SPAG16: variants seen among roughly 807,000 people sequenced by gnomAD.
SPAG16 encodes sperm associated antigen 16.
In SPAG16, 86 loss-of-function variants were observed where a neutral mutation model predicts 80.4. That is an observed-to-expected ratio of 1.07 (90% confidence interval 0.90 to 1.28). SPAG16 has a LOEUF of 1.28. SPAG16 is among the 50% of genes most tolerant of loss of function. The probability of loss-of-function intolerance (pLI) is 0.00; values close to 1 mark genes in which losing one functional copy is unlikely to be tolerated. For missense variants in SPAG16, 870 were observed against 765.3 expected (o/e 1.14, Z -1.61); for synonymous variants, 294 against 265.9 (o/e 1.11, Z -1.03).
In SPAG16 at chr2:213,713,101, T is replaced by C. The variant is rs116356644; in HGVS notation, c.1071-149384T>C. On this transcript the variant is annotated intron_variant, in intron 10 of 15. Transcript: ENST00000331683. Reference sequence around the variant, plus strand: ...ATAAAACCATCAGGTCTGGTGAGAATTCACTCACTACCATGAGAACAGCAT... The same window carrying C: ...ATAAAACCATCAGGTCTGGTGAGAACTCACTCACTACCATGAGAACAGCAT... Among the ~76,000 whole-genome samples, 174 of 152,228 alleles carry C rather than the reference T, an allele frequency of 1.1e-3. 1 individual carries two copies. The highest frequency in any genetic ancestry group is 1.8e-3 in the Non-Finnish European group (122 of 68,022).
chr2:214,226,353 A>G (rs888860655), intron 15 of SPAG16, among the ~76,000 whole-genome samples: 1 of 152,114 alleles, frequency 6.6e-6, no homozygotes, highest in Non-Finnish European at 1.5e-5. Flanking sequence ...ATAATGTCCT[A>G]TTGGCCAAAT....
At chr2:214,271,844 C>CG (rs1692041361) in intron 15 of SPAG16, among the ~76,000 whole-genome samples, 4 of 140,128 alleles carry the variant, frequency 2.9e-5, no homozygotes, top group African/African-American at 1.1e-4. Flanking sequence ...TGTGGGAAAC[C>CG]CCCCCCCCAA....
intron 12 of SPAG16, among the ~76,000 whole-genome samples, chr2:213,931,131 A>G (rs753427580): frequency 6.6e-6 from 1 of 152,156 alleles, no homozygotes; most frequent in Non-Finnish European, 1.5e-5. Context: ...TAGCAACTTT[A>G]TTCAGTTTTT....
At chr2:214,248,202 A>C (rs760354183) in intron 15 of SPAG16, among the ~76,000 whole-genome samples, 1 of 151,680 alleles carries the variant, frequency 6.6e-6, no homozygotes, top group Non-Finnish European at 1.5e-5. Context: ...ATCTAACAAG[A>C]GTGCTGGAAC....
At chr2:213,711,260 A>AT (rs981974054) in intron 10 of SPAG16, among the ~76,000 whole-genome samples, 25 of 151,994 alleles carry the variant, frequency 1.6e-4, no homozygotes, top group Admixed American at 1.6e-3. Flanking sequence ...TATGGCAAAA[A>AT]TTTTTTTTAA....
At chr2:213,449,554 C>G (rs1423715628) in intron 9 of SPAG16, among the ~76,000 whole-genome samples, 1 of 152,188 alleles carries the variant, frequency 6.6e-6, no homozygotes, top group Non-Finnish European at 1.5e-5. Flanking sequence ...TAAAATTCCT[C>G]TCTTTATACT....
At chr2:213,949,385 T>C (rs2079634576) in intron 12 of SPAG16, among the ~76,000 whole-genome samples, 1 of 151,986 alleles carries the variant, frequency 6.6e-6, no homozygotes, top group South Asian at 2.1e-4. Flanking sequence ...GGCCAGATGG[T>C]CTTGATGTCT....
At chr2:213,994,153 A>G (rs2046407213) in intron 12 of SPAG16, among the ~76,000 whole-genome samples, 1 of 152,102 alleles carries the variant, frequency 6.6e-6, no homozygotes, top group South Asian at 2.1e-4. Context: ...TTTCTTACAG[A>G]CAGTAGTTTT....
chr2:213,956,551 G>A (rs893590942), intron 12 of SPAG16, among the ~76,000 whole-genome samples: 2 of 148,900 alleles, frequency 1.3e-5, no homozygotes, highest in African/African-American at 2.5e-5. Flanking sequence ...AGATTCAAGC[G>A]ATTCTCCTGC....
At chr2:214,101,537 C>T (rs2053030798) in intron 13 of SPAG16, among the ~76,000 whole-genome samples, 1 of 151,986 alleles carries the variant, frequency 6.6e-6, no homozygotes, top group Non-Finnish European at 1.5e-5. Flanking sequence ...ATTCACCACT[C>T]TTAAGCCAGA....
intron 7 of SPAG16, among the ~76,000 whole-genome samples, chr2:213,351,516 T>C (rs1243092712): frequency 6.6e-6 from 1 of 152,190 alleles, no homozygotes; most frequent in Non-Finnish European, 1.5e-5. Flanking sequence ...GAGATACCTT[T>C]GGCATAAAAA....
chr2:213,560,194 G>T (rs2059559814), intron 10 of SPAG16, among the ~76,000 whole-genome samples: 1 of 152,026 alleles, frequency 6.6e-6, no homozygotes, highest in South Asian at 2.1e-4. Context: ...ATGCTTAATA[G>T]GTTTGTGGAT....
chr2:213,608,370 G>A (rs1454302425), intron 10 of SPAG16, among the ~76,000 whole-genome samples: 2 of 151,976 alleles, frequency 1.3e-5, no homozygotes, highest in African/African-American at 4.8e-5. Context: ...TTCCCTTCCT[G>A]TGTCCATGTG....
At chr2:214,403,875 T>A (rs1701848840) in intron 15 of SPAG16, among the ~76,000 whole-genome samples, 1 of 152,176 alleles carries the variant, frequency 6.6e-6, no homozygotes. Flanking sequence ...ATGAATGGTA[T>A]GAATGAAATG....
intron 10 of SPAG16, among the ~76,000 whole-genome samples, chr2:213,631,715 T>C (rs2062158622): frequency 6.6e-6 from 1 of 152,218 alleles, no homozygotes; most frequent in Non-Finnish European, 1.5e-5. Flanking sequence ...TATCTGGTTT[T>C]CCCAGCACCA....
intron 9 of SPAG16, among the ~76,000 whole-genome samples, chr2:213,408,912 G>A (rs1194324761): frequency 2.0e-5 from 3 of 152,146 alleles, no homozygotes; most frequent in Non-Finnish European, 4.4e-5. Context: ...TTCAAGAAAC[G>A]TAGCTTGCTA....
At chr2:213,609,146 C>A (rs2061361791) in intron 10 of SPAG16, among the ~76,000 whole-genome samples, 1 of 152,128 alleles carries the variant, frequency 6.6e-6, no homozygotes, top group Non-Finnish European at 1.5e-5. Flanking sequence ...AAATGAAGAG[C>A]CTGAACATTA....
chr2:213,347,349 T>C (rs892552780), intron 6 of SPAG16, among the ~76,000 whole-genome samples: 3 of 152,210 alleles, frequency 2.0e-5, no homozygotes, highest in Admixed American at 6.5e-5. Flanking sequence ...CCTGGATTCA[T>C]TGATATTTTG....
At position 214,209,647 on chromosome 2, in the gene SPAG16, G is replaced by C. The variant is rs549843233; in HGVS notation, c.1720+60381G>C. Among the ~76,000 whole-genome samples, 4 of 152,182 alleles carry C rather than the reference G, an allele frequency of 2.6e-5. No homozygotes were observed. The South Asian group carries it at 8.3e-4, about 32-fold the overall frequency. ...CAATAGTAGAGGTTTCTAGCCTTTG[G>C]TTCCAGGTATTGTTACCAATTTGAC... On this transcript the variant is annotated intron_variant, in intron 15 of 15. Coordinates refer to ENST00000331683, the MANE Select transcript of SPAG16 (RefSeq NM_024532.5).
Sources: allele counts gnomAD v4.1 joint callset (sites outside exome capture counted in the v4.1 genomes callset), GRCh38; gene constraint gnomAD v4.1.1; transcripts MANE v1.5; gene names NCBI Gene and HGNC (gene_info 2026-07-23, HGNC 2026-07-21).